Variants in ZSCAN4 observed in about 807,000 individuals in gnomAD.
ZSCAN4 encodes the protein zinc finger and SCAN domain-containing protein 4.
In ZSCAN4, 18 loss-of-function variants were observed where a neutral mutation model predicts 18.3. That is an observed-to-expected ratio of 0.98 (90% CI 0.68 to 1.46). The LOEUF is 1.46. ZSCAN4 is among the 40% of genes most tolerant of loss of function. ZSCAN4 has a pLI of 0.00. For missense variants in ZSCAN4, 498 were observed against 511.4 expected (o/e 0.97, Z 0.25); for synonymous variants, 193 against 180.3 (o/e 1.07, Z -0.57).
intron 2 of ZSCAN4, 117 bp from the exon 3 acceptor site, chr19:57,675,922 TAA>T (rs1984167123): frequency 4.3e-6 from 2 of 460,950 alleles, no homozygotes; most frequent in Admixed American, 7.5e-5. Flanking sequence ...GAGTTTATGT[TAA>T]GTTATAATTA....
At chr19:57,656,913 G>A in the ZSCAN4 span, among the ~76,000 whole-genome samples, 4 of 152,028 alleles carry the variant, frequency 2.6e-5, no homozygotes, top group Non-Finnish European at 5.9e-5. Context: ...CTGATTCCAG[G>A]GAGGTCGAAG....
the ZSCAN4 span, among the ~76,000 whole-genome samples, chr19:57,662,718 G>A: frequency 1.6e-4 from 24 of 151,874 alleles, no homozygotes; most frequent in Admixed American, 7.2e-4. Context: ...GAGCCACCAC[G>A]CCCAGCTAAT....
the ZSCAN4 span, among the ~76,000 whole-genome samples, chr19:57,661,255 C>T: frequency 1.3e-5 from 2 of 152,166 alleles, no homozygotes; most frequent in Admixed American, 1.3e-4. Context: ...CTTCCACAAC[C>T]TCAACCTAAG....
At chr19:57,677,633 T>G (rs1984226537) in intron 3 of ZSCAN4, among the ~76,000 whole-genome samples, 1 of 152,202 alleles carries the variant, frequency 6.6e-6, no homozygotes, top group Non-Finnish European at 1.5e-5. Context: ...ACTCATGTAT[T>G]GATCAGTTGA....
rs377104601 is a variant in ZSCAN4, at chr19:57,677,969, G to T, written c.452G>T (p.Arg151Ile). The T allele has an allele frequency of 1.6e-4, 258 of 1,596,766 alleles. 3 individuals carry two copies. In the South Asian group the frequency reaches 2.7e-3, roughly 17 times the overall value. The change falls in exon 4 of 5, where the codon AGA (arginine) becomes ATA (isoleucine). Residue 151 changes from arginine to isoleucine, a missense_variant. Transcript: ENST00000318203. ...CTCTTTTCTGAGGATATGCCCTTAA[G>T]AGATGTCATTGTTCATCTCACAAAA...
chr19:57,678,982 AG>A (rs1177818620), exon 5 of ZSCAN4: 2 of 1,413,220 alleles, frequency 1.4e-6, no homozygotes, highest in African/African-American at 2.9e-5. Flanking sequence ...TTAGGATATA[AG>A]ATATAATCTC....
intron 2 of ZSCAN4, among the ~76,000 whole-genome samples, chr19:57,674,645 CT>C: frequency 6.6e-6 from 1 of 152,036 alleles, no homozygotes; most frequent in African/African-American, 2.4e-5. Flanking sequence ...GTGCAGGTGT[CT>C]TTTTTTATAT....
chr19:57,654,485 C>A, the ZSCAN4 span, among the ~76,000 whole-genome samples: 2 of 152,138 alleles, frequency 1.3e-5, no homozygotes, highest in African/African-American at 4.8e-5. Context: ...CCAGTACCTC[C>A]TTAGCCCAGC....
the ZSCAN4 span, among the ~76,000 whole-genome samples, chr19:57,655,579 T>C: frequency 6.6e-6 from 1 of 152,124 alleles, no homozygotes; most frequent in Admixed American, 6.5e-5. Flanking sequence ...TACATTACCA[T>C]TGCACCTTCT....
At chr19:57,664,560 CGGGAGCTAGTCACGGGGCA>C (rs1983805785), upstream of ZSCAN4, 1 of 153,568 alleles carries the variant, frequency 6.5e-6, no homozygotes, top group Non-Finnish European at 1.5e-5. Flanking sequence ...GAAGCAGCGG[CGGGAGCTAGTCACGGGGCA>C]GGGAGCGCTC....
the ZSCAN4 span, among the ~76,000 whole-genome samples, chr19:57,653,622 A>T: frequency 7.2e-5 from 11 of 152,158 alleles, no homozygotes; most frequent in South Asian, 4.1e-4. Flanking sequence ...AGTCTTTAAC[A>T]ATAGGGAGGA....
intron 2 of ZSCAN4, among the ~76,000 whole-genome samples, chr19:57,671,496 GAA>G (rs35157527): frequency 3.0e-5 from 4 of 134,586 alleles, no homozygotes; most frequent in East Asian, 4.2e-4. Context: ...GGTTCCACAG[GAA>G]AAAAAAAAAA....
chr19:57,664,454 C>A (rs1261450374), upstream of ZSCAN4: 1 of 152,270 alleles, frequency 6.6e-6, no homozygotes, highest in African/African-American at 2.4e-5. Context: ...CCCCGCAGCA[C>A]CCGGGGCGGG....
In ZSCAN4 at chr19:57,678,566, T is replaced by C. The variant is rs759234797; in HGVS notation, c.963T>C (p.Phe321=). The C allele has an allele frequency of 2.5e-6, 4 of 1,614,072 alleles. No individual in the cohort carries two copies. The East Asian group carries it at 8.9e-5, about 36-fold the overall frequency. Residue 321 remains phenylalanine (F), a synonymous_variant, in exon 5 of 5, where the codon TTT becomes TTC. Transcript: ENST00000318203. Reference sequence around the variant, plus strand: ...AATGTGAAGAATGCCCCAAGGTCTTTAAGTATCTCTGTCACTTATTAGCTC... The same window carrying C: ...AATGTGAAGAATGCCCCAAGGTCTTCAAGTATCTCTGTCACTTATTAGCTC...
At chr19:57,665,314 T>C (rs1029050239), upstream of ZSCAN4, among the ~76,000 whole-genome samples, 1 of 152,162 alleles carries the variant, frequency 6.6e-6, no homozygotes, top group African/African-American at 2.4e-5. Flanking sequence ...TCCTGGAGTG[T>C]ATCTACTTGG....
chr19:57,656,251 A>G, the ZSCAN4 span, among the ~76,000 whole-genome samples: 1 of 152,184 alleles, frequency 6.6e-6, no homozygotes, highest in Admixed American at 6.5e-5. Flanking sequence ...GCAGCCTGGC[A>G]GGTGGCCCAC....
the ZSCAN4 span, among the ~76,000 whole-genome samples, chr19:57,654,242 G>A: frequency 6.6e-6 from 1 of 151,980 alleles, no homozygotes; most frequent in Non-Finnish European, 1.5e-5. Context: ...CCTATTTTGG[G>A]ACTGAATATA....
At chr19:57,660,232 G>C in the ZSCAN4 span, among the ~76,000 whole-genome samples, 2 of 147,590 alleles carry the variant, frequency 1.4e-5, no homozygotes, top group African/African-American at 4.9e-5. Flanking sequence ...TCTGGGTTTG[G>C]AACACGAAAG....
chr19:57,672,687 C>T (rs924630155), intron 2 of ZSCAN4, among the ~76,000 whole-genome samples: 1 of 151,928 alleles, frequency 6.6e-6, no homozygotes, highest in Admixed American at 6.6e-5. Flanking sequence ...ACTACAACCC[C>T]CACCTCTCAG....
Sources: allele counts gnomAD v4.1 joint callset (sites outside exome capture counted in the v4.1 genomes callset), GRCh38; gene constraint gnomAD v4.1.1; transcripts MANE v1.5; gene names NCBI Gene and HGNC (gene_info 2026-07-23, HGNC 2026-07-21).